The following HTT variants were observed in gnomAD, a reference collection of about 807,000 sequenced individuals.
The protein encoded by HTT is huntingtin, also known as huntington disease protein.
Under a neutral mutation model 362.3 loss-of-function variants are expected in HTT, and 104 were observed. The observed-to-expected ratio is 0.29, with a 90% confidence interval of 0.24 to 0.34. HTT has a LOEUF of 0.34. Among genes scored for constraint, HTT ranks in the 10% least tolerant of loss-of-function variants. HTT has a pLI of 1.00. For missense variants in HTT, 3,301 were observed against 3,928.6 expected, an observed-to-expected ratio of 0.84 and a Z score of 4.27; for synonymous variants, 1,577 against 1,548.7, an observed-to-expected ratio of 1.02 and a Z score of -0.43.
intron 13 of HTT, 98 bp from the exon 14 acceptor site, chr4:3,130,207 G>T: frequency 9.4e-7 from 1 of 1,066,858 alleles, no homozygotes; most frequent in Non-Finnish European, 1.4e-6. Context: ...ACTTTTTCTT[G>T]ATCTAAATCT....
intron 47 of HTT, 68 bp downstream of exon 47, chr4:3,210,017 C>T: frequency 6.3e-7 from 1 of 1,578,362 alleles, no homozygotes; most frequent in Admixed American, 1.7e-5. Context: ...GGATTTGTCT[C>T]ATCATCATGT....
rs774633554 is a variant in HTT at position 3,236,098 on chromosome 4, G to A, written c.8786-51G>A. ...CTGTGTACAAAGCACTGTCTACAGA[G>A]CCTATTGGGTTGTATAGAGGTAACC... On this transcript the variant is annotated intron_variant, in intron 63 of 66. Coordinates refer to ENST00000355072, the MANE Select transcript of HTT (RefSeq NM_001388492.1). 7.9e-6 allele frequency: 10 copies of A among 1,265,760 alleles called. 1 individual carries two copies. In the South Asian group the frequency reaches 1.1e-4, roughly 14 times the overall value. 78.4% of individuals were successfully genotyped at this position (1,265,760 alleles called of 1,614,324 possible).
At position 3,235,333 on chromosome 4, in the gene HTT, G is replaced by A; in HGVS notation, c.8506G>A (p.Ala2836Thr). The change falls in exon 62 of 67, where the codon GCG (alanine) becomes ACG (threonine). Residue 2836 changes from alanine to threonine, a missense_variant. Around this residue, in one of 4 missense-constraint regions of HTT, gnomAD observed 753 missense variants for 1,021.3 expected, o/e 0.74. Transcript: ENST00000355072. Reference protein sequence around the residue: ...QQHVLVMCATAFYLIENYPLD... With the variant: ...QQHVLVMCATTFYLIENYPLD... ...GCACGTACTGGTCATGTGTGCCACTGCGTTTTACCTCATTGAGAACTATCC... is the reference window on the plus strand; with the variant it reads ...GCACGTACTGGTCATGTGTGCCACTACGTTTTACCTCATTGAGAACTATCC... 1.2e-6 allele frequency: 2 copies of A among 1,614,074 alleles called. No individual in the cohort carries two copies. Among genetic ancestry groups the A allele is most frequent in the Non-Finnish European group, 1.7e-6 (2 of 1,179,942 alleles).
chr4:3,132,548 A>G lies in HTT; in HGVS notation c.2237-14A>G, dbSNP rs368474398. 9.3e-6 allele frequency: 15 copies of G among 1,610,320 alleles called. No individual in the cohort carries two copies. Among genetic ancestry groups the G allele is most frequent in the Non-Finnish European group, 1.1e-5 (13 of 1,176,956 alleles). On this transcript the variant is annotated splice_polypyrimidine_tract_variant and intron_variant, in intron 16 of 66. Coordinates refer to ENST00000355072, the MANE Select transcript of HTT (RefSeq NM_001388492.1). ...TAGGGAATTGTTCCATGGCTGAGCA[A>G]TTTATCTCCACAGAGGAACAGTATG...
At chr4:3,129,224 C>T (rs1354551738) in intron 12 of HTT, 1 of 152,280 alleles carries the variant, frequency 6.6e-6, no homozygotes, top group Non-Finnish European at 1.5e-5. Context: ...CGTGGGTGTA[C>T]AGATAGCTCC....
chr4:3,185,138 T>C (rs1170327708), intron 37 of HTT, among the ~76,000 whole-genome samples: 5 of 151,860 alleles, frequency 3.3e-5, no homozygotes, highest in Admixed American at 3.3e-4. Flanking sequence ...AACGGAGAAA[T>C]AGGGCAGTAG....
chr4:3,081,395 A>G (rs1712889951), intron 1 of HTT, among the ~76,000 whole-genome samples: 1 of 152,126 alleles, frequency 6.6e-6, no homozygotes, highest in Non-Finnish European at 1.5e-5. Flanking sequence ...ATTTCATATA[A>G]TTTTCACCTG....
chr4:3,134,280 T>C (rs1715959989), intron 18 of HTT, 121 bp from the exon 19 acceptor site: 1 of 741,360 alleles, frequency 1.3e-6, no homozygotes, highest in African/African-American at 1.8e-5. Flanking sequence ...AAATGCAACA[T>C]CCTGGTTGCA....
rs1438361709 is a variant in HTT at position 3,157,244 on chromosome 4, T to C, written c.3753+45T>C. 6.5e-6 allele frequency: 10 copies of C among 1,536,126 alleles called. No homozygotes were observed. The South Asian group carries it at 1.2e-4, about 18-fold the overall frequency. ...TTAAAAATATATATGCACACATACT[T>C]ACGTCTAATGGATAGTTGATGTTTT... On this transcript the variant is annotated intron_variant, in intron 28 of 66. Transcript: ENST00000355072.
chr4:3,170,182 G>C (rs547884113), intron 29 of HTT, among the ~76,000 whole-genome samples: 1 of 152,216 alleles, frequency 6.6e-6, no homozygotes, highest in African/African-American at 2.4e-5. Context: ...TGTTCCCATA[G>C]ATCTTCTTGA....
In HTT at chr4:3,147,091, T is replaced by C. The variant is rs1716639035; in HGVS notation, c.3295+143T>C. On this transcript the variant is annotated intron_variant, in intron 25 of 66. Transcript: ENST00000355072. ...TGTCCCTTTAGTCAAATTTCAGATG[T>C]TACCTATATGCATAAACACATGCAG... 9 of 834,724 alleles carry C rather than the reference T, an allele frequency of 1.1e-5. No individual in the cohort carries two copies. The East Asian group carries it at 2.2e-4, about 20-fold the overall frequency. The allele number at this position is 834,724 out of a possible 1,614,324, so 51.7% of individuals were successfully genotyped here.
intron 21 of HTT, among the ~76,000 whole-genome samples, chr4:3,139,879 A>G (rs1475801724): frequency 1.3e-5 from 2 of 152,240 alleles, no homozygotes; most frequent in African/African-American, 2.4e-5. Context: ...AGGTTTAGAA[A>G]GAGAACTTTC....
chr4:3,221,058 C>A (rs1161744460), intron 53 of HTT, among the ~76,000 whole-genome samples: 1 of 152,150 alleles, frequency 6.6e-6, no homozygotes, highest in Non-Finnish European at 1.5e-5. Flanking sequence ...TGTAATCAGT[C>A]AGTTCTCAGT....
rs1380563117 is a variant in HTT, at chr4:3,218,862, G to A, written c.7242+910G>A. Among the ~76,000 whole-genome samples the A allele has an allele frequency of 6.6e-6, 1 of 152,210 alleles. No homozygotes were observed. Among genetic ancestry groups the A allele is most frequent in the Middle Eastern group, 3.2e-3 (1 of 316 alleles). On this transcript the variant is annotated intron_variant, in intron 52 of 66. Transcript: ENST00000355072. The surrounding 1 kb of genome is among the most constrained non-coding windows in gnomAD (Gnocchi z 4.4). ...CCTGGCAGGGTGTGAGCCAGCAGGT[G>A]TAGGTCAGGGAGAATGGAGCCAGGT...
At chr4:3,096,301 A>G (rs540145435) in intron 2 of HTT, among the ~76,000 whole-genome samples, 2 of 152,348 alleles carry the variant, frequency 1.3e-5, no homozygotes, top group Admixed American at 6.5e-5. Context: ...GCCGCTCTCA[A>G]TGATTTGTAG....
chr4:3,178,722 G>C (rs1226367815), intron 35 of HTT, among the ~76,000 whole-genome samples: 1 of 152,194 alleles, frequency 6.6e-6, no homozygotes, highest in Non-Finnish European at 1.5e-5. Flanking sequence ...TAAAGTTCCT[G>C]TTCATTCACA....
intron 6 of HTT, among the ~76,000 whole-genome samples, chr4:3,108,798 C>G (rs1050954663): frequency 1.3e-5 from 2 of 152,048 alleles, no homozygotes; most frequent in Non-Finnish European, 2.9e-5. Context: ...ATAATTGTAG[C>G]TACTTGGGAG....
chr4:3,229,089 C>T (rs763960204), intron 59 of HTT, 80 bp downstream of exon 59: 36 of 1,358,902 alleles, frequency 2.6e-5, no homozygotes, highest in African/African-American at 2.0e-4. Context: ...ACACACACAC[C>T]GCCCACACAC....
chr4:3,121,399 C>A lies in HTT; in HGVS notation c.1240C>A (p.Arg414=). The A allele has an allele frequency of 6.2e-7, 1 of 1,614,002 alleles. No homozygotes were observed. The highest frequency in any genetic ancestry group is 8.5e-7 in the Non-Finnish European group (1 of 1,179,934). ...CGCTGCTAAGGAGGAGTCTGGTGGCCGAAGCCGTAGTGGGAGTATTGTGGA... is the reference window on the plus strand; with the variant it reads ...CGCTGCTAAGGAGGAGTCTGGTGGCAGAAGCCGTAGTGGGAGTATTGTGGA... ...LTAAKEESGG[R]SRSGSIVELI... The change falls in exon 9 of 67, where the codon CGA becomes AGA. Residue 414 remains arginine, a synonymous_variant. Transcript: ENST00000355072.
Sources: gnomAD v4.1 joint callset for allele counts (sites outside exome capture counted in the v4.1 genomes callset) on GRCh38, gnomAD v4.1.1 for gene constraint, gnomAD v4.1.1 regional missense constraint, Gnocchi (gnomAD v3.1) non-coding constraint, MANE v1.5 for transcripts, NCBI Gene and HGNC (gene_info 2026-07-23, HGNC 2026-07-21) for gene names.